SNX14: variants seen among roughly 807,000 people sequenced by gnomAD.
The protein encoded by SNX14 is sorting nexin-14.
In SNX14, 93 loss-of-function variants were observed where a neutral mutation model predicts 133.8. The observed-to-expected ratio is 0.70, with a 90% confidence interval of 0.59 to 0.83. SNX14 has a LOEUF of 0.83. SNX14 is among the 40% of genes least tolerant of loss of function. The pLI is 0.00. For synonymous variants in SNX14, 368 were observed against 365.6 expected (o/e 1.01, Z -0.07); for missense variants, 945 against 1,094.9 (o/e 0.86, Z 1.93).
At chr6:85,544,588 CAGG>C (rs1784893581) in intron 12 of SNX14, among the ~76,000 whole-genome samples, 1 of 151,992 alleles carries the variant, frequency 6.6e-6, no homozygotes, top group South Asian at 2.1e-4. Context: ...CGCTTGAGCC[CAGG>C]AGTTCAAGAC....
intron 23 of SNX14, 69 bp downstream of exon 23, chr6:85,517,687 G>T: frequency 1.3e-6 from 2 of 1,492,578 alleles, no homozygotes; most frequent in South Asian, 2.8e-5. Flanking sequence ...TCATTCTCTC[G>T]ACAATGAAAA....
At chr6:85,541,225 T>C (rs1201337151) in intron 15 of SNX14, among the ~76,000 whole-genome samples, 1 of 152,126 alleles carries the variant, frequency 6.6e-6, no homozygotes, top group Non-Finnish European at 1.5e-5. Flanking sequence ...ACTCCTGACC[T>C]CAAGTGATCC....
At position 85,541,970 on chromosome 6, in the gene SNX14, AAACAT is replaced by A; in HGVS notation, c.1448+10_1448+14del. The A allele has an allele frequency of 6.3e-7, 1 of 1,585,550 alleles. No homozygotes were observed. The highest frequency in any genetic ancestry group is 8.6e-7 in the Non-Finnish European group (1 of 1,168,600). On this transcript the variant is annotated intron_variant, in intron 15 of 28. Coordinates refer to ENST00000314673, the MANE Select transcript of SNX14 (RefSeq NM_153816.6). ...ACTGGCATCAGCAAGTTCAAAAACA[AAACAT>A]ACAACCTACCTGTTCAATTTTGAAT...
At position 85,547,409 on chromosome 6, in the gene SNX14, AGAGAAT is replaced by A; in HGVS notation, c.913-18_913-13del. Reference sequence around the variant, plus strand: ...GTTGCTTTTTCAGGCTTTGAAAGAAAGAGAATTATTAACTCAGTAAAATTCCCACTT... The same window carrying A: ...GTTGCTTTTTCAGGCTTTGAAAGAAATATTAACTCAGTAAAATTCCCACTT... On this transcript the variant is annotated splice_polypyrimidine_tract_variant and intron_variant, in intron 10 of 28. Coordinates refer to ENST00000314673, the MANE Select transcript of SNX14 (RefSeq NM_153816.6). 1 of 1,612,244 alleles carries A rather than the reference AGAGAAT, an allele frequency of 6.2e-7. No individual in the cohort carries two copies. The highest frequency in any genetic ancestry group is 8.5e-7 in the Non-Finnish European group (1 of 1,179,578).
intron 14 of SNX14, among the ~76,000 whole-genome samples, chr6:85,542,303 G>A (rs1195969661): frequency 1.3e-5 from 2 of 152,328 alleles, no homozygotes; most frequent in African/African-American, 2.4e-5. Flanking sequence ...GGCAAACCAG[G>A]CAGACCTATT....
intron 8 of SNX14, among the ~76,000 whole-genome samples, chr6:85,549,245 G>C (rs766706955): frequency 6.6e-6 from 1 of 151,962 alleles, no homozygotes; most frequent in Non-Finnish European, 1.5e-5. Flanking sequence ...TAGGGTAAGA[G>C]TAACAAGGTA....
At chr6:85,541,891 C>T in intron 15 of SNX14, 94 bp downstream of exon 15, 1 of 869,044 alleles carries the variant, frequency 1.2e-6, no homozygotes. Flanking sequence ...ACAATGGAAC[C>T]ACATATTCAT....
intron 9 of SNX14, 120 bp from the exon 10 acceptor site, chr6:85,547,670 T>A: frequency 1.2e-6 from 1 of 841,086 alleles, no homozygotes; most frequent in Non-Finnish European, 1.7e-6. Flanking sequence ...AATGGAGCAG[T>A]AGCAAAAAAT....
At chr6:85,543,135 T>C in intron 14 of SNX14, 47 bp downstream of exon 14, 3 of 1,436,696 alleles carry the variant, frequency 2.1e-6, no homozygotes, top group Non-Finnish European at 2.8e-6. Context: ...AAGCTACTAT[T>C]AAATTATGTA....
chr6:85,552,996 G>T (rs555579313), intron 7 of SNX14, among the ~76,000 whole-genome samples: 5 of 152,166 alleles, frequency 3.3e-5, no homozygotes, highest in Admixed American at 3.3e-4. Context: ...AACCCTTCAT[G>T]TACTGACTTA....
At chr6:85,573,253 G>T (rs1327586541) in intron 2 of SNX14, among the ~76,000 whole-genome samples, 1 of 152,214 alleles carries the variant, frequency 6.6e-6, no homozygotes, top group Non-Finnish European at 1.5e-5. Flanking sequence ...GCCGAGGCAA[G>T]TGGATCACCT....
At chr6:85,571,384 A>C (rs1300546732) in intron 4 of SNX14, among the ~76,000 whole-genome samples, 2 of 151,522 alleles carry the variant, frequency 1.3e-5, no homozygotes, top group Non-Finnish European at 2.9e-5. Context: ...AAGGCCTTAG[A>C]GAGGCAAAGA....
At chr6:85,592,492 T>C (rs369723290) in intron 1 of SNX14, among the ~76,000 whole-genome samples, 5 of 152,270 alleles carry the variant, frequency 3.3e-5, no homozygotes, top group Admixed American at 6.5e-5. Flanking sequence ...CAAAAGCAAA[T>C]CTGGTGTTAA....
At chr6:85,514,746 G>T in intron 23 of SNX14, 117 bp from the exon 24 acceptor site, 1 of 992,598 alleles carries the variant, frequency 1.0e-6, no homozygotes, top group East Asian at 2.6e-5. Flanking sequence ...AATCAAAACA[G>T]AATATTAGAT....
At chr6:85,534,101 A>T (rs1204729067) in intron 17 of SNX14, among the ~76,000 whole-genome samples, 1 of 152,178 alleles carries the variant, frequency 6.6e-6, no homozygotes, top group Non-Finnish European at 1.5e-5. Context: ...TGGGCCCAGG[A>T]GTTTGAGACT....
intron 21 of SNX14, among the ~76,000 whole-genome samples, chr6:85,520,864 C>G (rs1246879965): frequency 6.6e-6 from 1 of 152,158 alleles, no homozygotes; most frequent in African/African-American, 2.4e-5. Context: ...TCTGTCCATT[C>G]AATTGCTGAT....
intron 1 of SNX14, among the ~76,000 whole-genome samples, chr6:85,579,329 A>G (rs1330306692): frequency 1.3e-5 from 2 of 152,148 alleles, no homozygotes; most frequent in African/African-American, 4.8e-5. Flanking sequence ...TAAACAAAAG[A>G]ACCATAAGGA....
intron 6 of SNX14, among the ~76,000 whole-genome samples, chr6:85,563,418 T>C (rs1792480045): frequency 6.6e-6 from 1 of 152,032 alleles, no homozygotes; most frequent in Non-Finnish European, 1.5e-5. Flanking sequence ...TGAGATAGAG[T>C]TTCGCTCTTG....
In SNX14 at chr6:85,572,277, AT is replaced by A; in HGVS notation, c.338+20del. On this transcript the variant is annotated intron_variant, in intron 3 of 28. Coordinates refer to ENST00000314673, the MANE Select transcript of SNX14 (RefSeq NM_153816.6). Reference sequence around the variant, plus strand: ...CAAATGTAATTAGAAGGATCAACAAATAAAAAAATATTTAACTTACCTATGT... The same window carrying A: ...CAAATGTAATTAGAAGGATCAACAAAAAAAAAATATTTAACTTACCTATGT... 6.2e-7 allele frequency: 1 copy of A among 1,611,962 alleles called. No individual in the cohort carries two copies. The highest frequency in any genetic ancestry group is 8.5e-7 in the Non-Finnish European group (1 of 1,178,606).
Sources: gnomAD v4.1 joint callset for allele counts (sites outside exome capture counted in the v4.1 genomes callset) on GRCh38, gnomAD v4.1.1 for gene constraint, MANE v1.5 for transcripts, NCBI Gene and HGNC (gene_info 2026-07-23, HGNC 2026-07-21) for gene names.